The following PLPPR1 variants were observed in gnomAD, a reference collection of about 807,000 sequenced individuals.
PLPPR1 encodes the protein phospholipid phosphatase-related protein type 1.
A neutral mutation model predicts 33.1 loss-of-function variants in PLPPR1; 10 were observed. The ratio of observed to expected loss-of-function variants is 0.30; its 90% CI spans 0.19 to 0.51. PLPPR1 has a LOEUF of 0.51. Among genes scored for constraint, PLPPR1 ranks in the 20% least tolerant of loss-of-function variants. The pLI is 0.97. For synonymous variants in PLPPR1, 151 were observed against 151.0 expected, an observed-to-expected ratio of 1.00 and a Z score of 0.00; for missense variants, 304 against 408.1, an observed-to-expected ratio of 0.74 and a Z score of 2.20.
chr9:101,250,010 G>C (rs77397894), intron 2 of PLPPR1, among the ~76,000 whole-genome samples: 1 of 152,006 alleles, frequency 6.6e-6, no homozygotes, highest in Non-Finnish European at 1.5e-5. Flanking sequence ...AATTAAATCC[G>C]TGCTGCCTAG....
chr9:101,098,128 C>G (rs905821050), intron 1 of PLPPR1, among the ~76,000 whole-genome samples: 3 of 152,046 alleles, frequency 2.0e-5, no homozygotes, highest in Non-Finnish European at 1.5e-5. Flanking sequence ...ACTCTGGAGG[C>G]CGAGTGGAAG....
intron 1 of PLPPR1, among the ~76,000 whole-genome samples, chr9:101,080,675 A>G (rs1314302526): frequency 1.3e-5 from 2 of 152,166 alleles, no homozygotes; most frequent in Non-Finnish European, 2.9e-5. Flanking sequence ...AATCCCCTGC[A>G]TGTCTGCCAA....
intron 1 of PLPPR1, among the ~76,000 whole-genome samples, chr9:101,115,018 G>C (rs140094853): frequency 6.6e-6 from 1 of 152,276 alleles, no homozygotes; most frequent in Non-Finnish European, 1.5e-5. Context: ...TGTGAGCCCT[G>C]CAGTTGCTGG....
chr9:101,159,473 G>T (rs1048504263), intron 1 of PLPPR1, among the ~76,000 whole-genome samples: 1 of 152,158 alleles, frequency 6.6e-6, no homozygotes, highest in Non-Finnish European at 1.5e-5. Flanking sequence ...AAATATCAAA[G>T]AAATGATTGA....
chr9:101,220,314 A>T (rs913293566), intron 2 of PLPPR1, among the ~76,000 whole-genome samples: 1 of 152,226 alleles, frequency 6.6e-6, no homozygotes, highest in African/African-American at 2.4e-5. Flanking sequence ...GGTGGTTTAC[A>T]TATATTAACT....
At chr9:101,242,732 T>G (rs1027238275) in intron 2 of PLPPR1, among the ~76,000 whole-genome samples, 5 of 152,068 alleles carry the variant, frequency 3.3e-5, no homozygotes, top group Non-Finnish European at 7.4e-5. Context: ...GCCACAATAT[T>G]CATGCACATT....
intron 2 of PLPPR1, among the ~76,000 whole-genome samples, chr9:101,244,372 A>C (rs1827542349): frequency 1.3e-5 from 2 of 152,030 alleles, no homozygotes; most frequent in Admixed American, 1.3e-4. Flanking sequence ...TTCAAGATTC[A>C]GAAAGACGAA....
intron 1 of PLPPR1, among the ~76,000 whole-genome samples, chr9:101,117,887 T>C (rs1831134639): frequency 6.6e-6 from 1 of 152,178 alleles, no homozygotes; most frequent in South Asian, 2.1e-4. Context: ...ATAATCACCA[T>C]AGTTTTGTCT....
chr9:101,122,562 A>C (rs1212842079), intron 1 of PLPPR1, among the ~76,000 whole-genome samples: 3 of 152,206 alleles, frequency 2.0e-5, no homozygotes, highest in Non-Finnish European at 4.4e-5. Context: ...AACAAAACAA[A>C]AACAGTTTCA....
chr9:101,040,102 G>T (rs1830058877), intron 1 of PLPPR1, among the ~76,000 whole-genome samples: 1 of 152,054 alleles, frequency 6.6e-6, no homozygotes. Context: ...TCAAAACTTT[G>T]CTATAAAAAT....
At chr9:101,308,052 G>A (rs901799689) in intron 4 of PLPPR1, among the ~76,000 whole-genome samples, 2 of 152,178 alleles carry the variant, frequency 1.3e-5, no homozygotes, top group Admixed American at 1.3e-4. Flanking sequence ...AATCCAGGAA[G>A]TATAGCCTAC....
intron 7 of PLPPR1, among the ~76,000 whole-genome samples, chr9:101,322,198 C>CAAAAAAAAA (rs57344415): frequency 4.7e-4 from 13 of 27,680 alleles, no homozygotes; most frequent in Admixed American, 7.2e-4. Flanking sequence ...GACTTCATCT[C>CAAAAAAAAA]AAAAAAAAAA....
At chr9:101,127,083 G>A (rs1464259299) in intron 1 of PLPPR1, among the ~76,000 whole-genome samples, 3 of 152,174 alleles carry the variant, frequency 2.0e-5, no homozygotes, top group Non-Finnish European at 2.9e-5. Flanking sequence ...TGTAATAAAT[G>A]CCTTAAGAAA....
chr9:101,129,457 A>T (rs1040855128), intron 1 of PLPPR1, among the ~76,000 whole-genome samples: 1 of 152,236 alleles, frequency 6.6e-6, no homozygotes, highest in African/African-American at 2.4e-5. Flanking sequence ...CAGAACTAGA[A>T]ACTACCCAAA....
chr9:101,293,601 G>A (rs973484397), intron 4 of PLPPR1, among the ~76,000 whole-genome samples: 6 of 152,026 alleles, frequency 3.9e-5, no homozygotes, highest in African/African-American at 1.5e-4. Context: ...ATAACAAACT[G>A]TCTCTCAGAC....
intron 1 of PLPPR1, among the ~76,000 whole-genome samples, chr9:101,181,549 A>G (rs1261573941): frequency 6.6e-6 from 1 of 151,416 alleles, no homozygotes; most frequent in Non-Finnish European, 1.5e-5. Context: ...AACAGCCAAG[A>G]TATTAAAACT....
intron 2 of PLPPR1, among the ~76,000 whole-genome samples, chr9:101,236,073 A>T (rs1260988102): frequency 6.6e-6 from 1 of 151,676 alleles, no homozygotes; most frequent in Non-Finnish European, 1.5e-5. Context: ...TATTTATAGA[A>T]TTTCTGGTAG....
At chr9:101,143,685 A>G (rs970806375) in intron 1 of PLPPR1, among the ~76,000 whole-genome samples, 15 of 152,212 alleles carry the variant, frequency 9.9e-5, no homozygotes, top group African/African-American at 3.6e-4. Flanking sequence ...AAAAATGCTC[A>G]TCATCACTGG....
rs540947780 is a variant in PLPPR1 at position 101,052,656 on chromosome 9, G to C, written c.-46+23554G>C. Among the ~76,000 whole-genome samples the C allele has an allele frequency of 2.6e-5, 4 of 152,282 alleles. No homozygotes were observed. In the East Asian group the frequency reaches 7.7e-4, roughly 29 times the overall value. ...GGCAGAAGATTTCCCAGCAGTAATA[G>C]AGGACAAGCCCCAATGTGCAAAAAC... On this transcript the variant is annotated intron_variant, in intron 1 of 7. Coordinates refer to ENST00000374874, the MANE Select transcript of PLPPR1 (RefSeq NM_207299.2).
Sources: allele counts gnomAD v4.1 joint callset (sites outside exome capture counted in the v4.1 genomes callset), GRCh38; gene constraint gnomAD v4.1.1; transcripts MANE v1.5; gene names NCBI Gene and HGNC (gene_info 2026-07-23, HGNC 2026-07-21).